GRIK1: variants seen among roughly 807,000 people sequenced by gnomAD.
GRIK1 encodes the protein glutamate receptor ionotropic, kainate 1.
Under a neutral mutation model 105.7 loss-of-function variants are expected in GRIK1, and 69 were observed. That is an observed-to-expected ratio of 0.65 (90% CI 0.54 to 0.80). GRIK1 has a LOEUF of 0.80. Among genes scored for constraint, GRIK1 ranks in the 30% least tolerant of loss-of-function variants. The pLI is 0.00. For missense variants in GRIK1, 1,109 were observed against 1,167.3 expected, an observed-to-expected ratio of 0.95 and a Z score of 0.73; for synonymous variants, 438 against 431.3, an observed-to-expected ratio of 1.02 and a Z score of -0.19.
intron 1 of GRIK1, among the ~76,000 whole-genome samples, chr21:29,708,640 T>C (rs2832431): frequency 0.25 from 37,458 of 152,010 alleles, 7,241 homozygotes; most frequent in African/African-American, 0.53. Context: ...GAGGACTTCA[T>C]TGCTAGTGAG....
At chr21:29,884,509 A>G (rs541719597) in intron 1 of GRIK1, among the ~76,000 whole-genome samples, 1 of 152,116 alleles carries the variant, frequency 6.6e-6, no homozygotes, top group African/African-American at 2.4e-5. Context: ...TTACTAAGTC[A>G]GGGAGAGAGT....
intron 6 of GRIK1, among the ~76,000 whole-genome samples, chr21:29,648,223 A>C (rs1382583975): frequency 6.6e-6 from 1 of 152,216 alleles, no homozygotes; most frequent in East Asian, 1.9e-4. Context: ...CAATATGACT[A>C]TAAACAGCTA....
At chr21:29,616,531 C>T (rs181469980) in intron 7 of GRIK1, among the ~76,000 whole-genome samples, 222 of 152,258 alleles carry the variant, frequency 1.5e-3, no homozygotes, top group African/African-American at 4.9e-3. Context: ...CCTTCAGTTT[C>T]GTGTTTCTAT....
intron 16 of GRIK1, among the ~76,000 whole-genome samples, chr21:29,541,763 G>T (rs2089976471): frequency 6.6e-6 from 1 of 151,714 alleles, no homozygotes; most frequent in Admixed American, 6.6e-5. Context: ...CTTTTGCCCA[G>T]TCCATGTTTC....
In GRIK1 at chr21:29,892,408, G is replaced by A. The variant is rs1368179023; in HGVS notation, c.118+46975C>T. 4.6e-5 allele frequency among the ~76,000 whole-genome samples: 7 copies of A among 152,230 alleles called. No individual in the cohort carries two copies. In the East Asian group the frequency reaches 1.3e-3, roughly 29 times the overall value. On this transcript the variant is annotated intron_variant, in intron 1 of 17. Coordinates refer to ENST00000327783, the MANE Select transcript of GRIK1 (RefSeq NM_001330994.2). ...GAGGAGATGTTTCTATTTACGCGGA[G>A]GGAAGAATAATTGGGAGAGGAATTT...
intron 9 of GRIK1, 52 bp from the exon 10 acceptor site, chr21:29,591,277 C>T: frequency 9.6e-7 from 1 of 1,047,118 alleles, no homozygotes; most frequent in South Asian, 1.3e-5. Flanking sequence ...GTGGCATTTA[C>T]ACCAAAGAGA....
chr21:29,741,700 T>G (rs2064933245), intron 1 of GRIK1, among the ~76,000 whole-genome samples: 1 of 152,246 alleles, frequency 6.6e-6, no homozygotes, highest in Non-Finnish European at 1.5e-5. Context: ...GCTGGTTGAA[T>G]GATCTGTTGG....
intron 1 of GRIK1, among the ~76,000 whole-genome samples, chr21:29,705,117 A>G (rs1468438116): frequency 6.6e-6 from 1 of 152,120 alleles, no homozygotes; most frequent in African/African-American, 2.4e-5. Flanking sequence ...CCAATTTTCT[A>G]GTTTTCTTCT....
Position 29,673,040 on chromosome 21 carries a change from C to T in GRIK1, c.669G>A (p.Lys223=), listed in dbSNP as rs527689441. Residue 223 remains lysine (K), a synonymous_variant, in exon 4 of 18, where the codon AAG becomes AAA. Coordinates refer to ENST00000327783, the MANE Select transcript of GRIK1 (RefSeq NM_001330994.2). ...KPLLKEMKKG[K]EFYVIFDCSH... ...AACAATCAAATATCACATAGAACTC[C>T]TTGCCTTTCTTCATCTCCTTGAGTA... 8 of 1,613,532 alleles carry T rather than the reference C, an allele frequency of 5.0e-6. No homozygotes were observed. In the South Asian group the frequency reaches 6.6e-5, roughly 13 times the overall value.
intron 14 of GRIK1, among the ~76,000 whole-genome samples, chr21:29,564,135 C>T (rs556949137): frequency 2.6e-5 from 4 of 152,104 alleles, no homozygotes; most frequent in Non-Finnish European, 5.9e-5. Flanking sequence ...TAAATTTTTT[C>T]ACCACATTTA....
At chr21:29,545,476 GT>G (rs1190910235) in intron 16 of GRIK1, among the ~76,000 whole-genome samples, 2 of 152,026 alleles carry the variant, frequency 1.3e-5, no homozygotes, top group Non-Finnish European at 2.9e-5. Flanking sequence ...TGATTTTTTT[GT>G]TTTTTGTTTT....
chr21:29,563,437 C>T (rs773075646), intron 14 of GRIK1, among the ~76,000 whole-genome samples: 2 of 152,078 alleles, frequency 1.3e-5, no homozygotes, highest in Non-Finnish European at 2.9e-5. Flanking sequence ...TAAACAGTAC[C>T]TTATAGATAT....
intron 1 of GRIK1, among the ~76,000 whole-genome samples, chr21:29,858,353 C>A (rs1448207213): frequency 6.6e-6 from 1 of 152,172 alleles, no homozygotes; most frequent in Admixed American, 6.5e-5. Flanking sequence ...GCATGTTGTC[C>A]TTCTGCCTCA....
At chr21:29,857,159 G>T (rs1387495846) in intron 1 of GRIK1, among the ~76,000 whole-genome samples, 1 of 152,164 alleles carries the variant, frequency 6.6e-6, no homozygotes, top group African/African-American at 2.4e-5. Context: ...GATAATGAGT[G>T]AGCATCAAAG....
intron 1 of GRIK1, among the ~76,000 whole-genome samples, chr21:29,824,509 G>A (rs1206621165): frequency 6.6e-6 from 1 of 151,988 alleles, no homozygotes; most frequent in Non-Finnish European, 1.5e-5. Flanking sequence ...AGTGGGCAAG[G>A]AGGTGCTTTT....
At chr21:29,723,360 T>A (rs968914434) in intron 1 of GRIK1, among the ~76,000 whole-genome samples, 7 of 152,226 alleles carry the variant, frequency 4.6e-5, no homozygotes, top group African/African-American at 1.4e-4. Context: ...TTACAACTAT[T>A]TTTAAAAGCA....
chr21:29,658,970 A>G (rs935574133), intron 4 of GRIK1, among the ~76,000 whole-genome samples: 1 of 152,224 alleles, frequency 6.6e-6, no homozygotes. Flanking sequence ...ACTGCAAGTC[A>G]TGTAAATGAT....
chr21:29,867,990 A>T (rs2068882869), intron 1 of GRIK1, among the ~76,000 whole-genome samples: 1 of 143,602 alleles, frequency 7.0e-6, no homozygotes, highest in Non-Finnish European at 1.5e-5. Flanking sequence ...AAAAGAGGAG[A>T]GAAGGAGAGA....
At chr21:29,818,350 C>G (rs935480699) in intron 1 of GRIK1, among the ~76,000 whole-genome samples, 1 of 152,044 alleles carries the variant, frequency 6.6e-6, no homozygotes, top group Non-Finnish European at 1.5e-5. Flanking sequence ...TGTACATTCT[C>G]ACGAAGGAAA....
Sources: gnomAD v4.1 joint callset for allele counts (sites outside exome capture counted in the v4.1 genomes callset) on GRCh38, gnomAD v4.1.1 for gene constraint, MANE v1.5 for transcripts, NCBI Gene and HGNC (gene_info 2026-07-23, HGNC 2026-07-21) for gene names.